The following SORBS2 variants were observed in gnomAD, a reference collection of about 807,000 sequenced individuals.
SORBS2 encodes sorbin and SH3 domain-containing protein 2.
In SORBS2, 46 loss-of-function variants were observed where a neutral mutation model predicts 97.7. The observed-to-expected ratio is 0.47, with a 90% CI of 0.37 to 0.60. The LOEUF (loss-of-function observed/expected upper bound fraction) is 0.60, where lower values mean the gene tolerates loss of function less well. SORBS2 is among the 20% of genes least tolerant of loss of function. SORBS2 has a pLI of 0.00. For synonymous variants in SORBS2, 476 were observed against 473.4 expected, an observed-to-expected ratio of 1.01 and a Z score of -0.07; for missense variants, 1,316 against 1,282.3, an observed-to-expected ratio of 1.03 and a Z score of -0.40.
chr4:185,934,800 A>G (rs1347581959), intron 1 of SORBS2, among the ~76,000 whole-genome samples: 1 of 150,082 alleles, frequency 6.7e-6, no homozygotes, highest in Admixed American at 6.6e-5. Context: ...AAAAAAAATG[A>G]GAGAGAAATC....
chr4:185,695,517 A>G (rs77886260), intron 2 of SORBS2, among the ~76,000 whole-genome samples: 2 of 131,094 alleles, frequency 1.5e-5, no homozygotes, highest in East Asian at 4.5e-4. Flanking sequence ...TTTTTTTTTT[A>G]AAGAGATGTA....
chr4:185,873,063 G>C (rs2099231298), intron 1 of SORBS2, among the ~76,000 whole-genome samples: 2 of 152,160 alleles, frequency 1.3e-5, no homozygotes, highest in African/African-American at 4.8e-5. Context: ...TTGGGTAAAA[G>C]AATAAAATGA....
chr4:185,828,506 C>G lies in SORBS2; in HGVS notation c.-337-53140G>C, dbSNP rs1459892898. Among the ~76,000 whole-genome samples, 3 of 152,162 alleles carry G rather than the reference C, an allele frequency of 2.0e-5. No homozygotes were observed. The East Asian group carries it at 5.8e-4, about 29-fold the overall frequency. On this transcript the variant is annotated intron_variant, in intron 1 of 20. Transcript: ENST00000284776. ...ATTATCATGGGCTTGAAATGGCCTT[C>G]AAGAAATCCTTGAAGGCTCCTGGTC...
At chr4:185,724,281 C>T (rs991766924) in intron 2 of SORBS2, among the ~76,000 whole-genome samples, 1 of 150,106 alleles carries the variant, frequency 6.7e-6, no homozygotes, top group Non-Finnish European at 1.5e-5. Context: ...GCTGGGACAA[C>T]TTTTGCATGT....
At position 185,649,580 on chromosome 4, in the gene SORBS2, G is replaced by A. The variant is rs145970526; in HGVS notation, c.168C>T (p.Ser56=). ...AGGCATTGGGGCTGTTGTCGGAGTGGCTTTTGGAAAGAGGTCTGTAGGTTT... is the reference window on the plus strand; with the variant it reads ...AGGCATTGGGGCTGTTGTCGGAGTGACTTTTGGAAAGAGGTCTGTAGGTTT... Residue 56 remains serine, a synonymous_variant, in exon 3 of 15, where the codon AGC becomes AGT. Coordinates refer to ENST00000418609, the Ensembl canonical transcript of SORBS2. 1.6e-5 allele frequency: 26 copies of A among 1,604,608 alleles called. No individual in the cohort carries two copies. In the Admixed American group the frequency reaches 1.9e-4, roughly 12 times the overall value.
intron 2 of SORBS2, among the ~76,000 whole-genome samples, chr4:185,769,452 C>T (rs2098956542): frequency 6.6e-6 from 1 of 152,142 alleles, no homozygotes; most frequent in Non-Finnish European, 1.5e-5. Context: ...CAATCATTTT[C>T]CTGCTCTTAC....
intron 2 of SORBS2, among the ~76,000 whole-genome samples, chr4:185,721,175 A>G (rs1372631247): frequency 7.0e-6 from 1 of 142,502 alleles, no homozygotes; most frequent in African/African-American, 2.6e-5. Context: ...CTCGGGTTCA[A>G]GTGATTCTCC....
At chr4:185,812,700 A>G (rs1010129947) in intron 1 of SORBS2, among the ~76,000 whole-genome samples, 2 of 152,220 alleles carry the variant, frequency 1.3e-5, no homozygotes, top group Non-Finnish European at 2.9e-5. Context: ...GTGAATTGCT[A>G]TATAGGGTCA....
At chr4:185,693,745 G>T (rs897285362) in intron 2 of SORBS2, among the ~76,000 whole-genome samples, 1 of 152,164 alleles carries the variant, frequency 6.6e-6, no homozygotes, top group Non-Finnish European at 1.5e-5. Context: ...TACAAAATCT[G>T]CTGACAGACA....
chr4:185,808,330 T>C (rs997311278), intron 1 of SORBS2, among the ~76,000 whole-genome samples: 1 of 152,156 alleles, frequency 6.6e-6, no homozygotes, highest in Non-Finnish European at 1.5e-5. Context: ...CTACTTTATA[T>C]ACAAAAATTC....
chr4:185,874,148 C>T (rs2099231989), intron 1 of SORBS2, among the ~76,000 whole-genome samples: 1 of 152,080 alleles, frequency 6.6e-6, no homozygotes, highest in African/African-American at 2.4e-5. Context: ...ATTATCTGAA[C>T]AAATAAGAGA....
Position 185,622,910 on chromosome 4 carries a change from C to T in SORBS2, c.2215+4G>A, listed in dbSNP as rs2096740936. ...CAAGGAAAAAGAAAGAAAAGCTCAT[C>T]CACCTTGGAGTGCACCGCCACGGTC... On this transcript the variant is annotated splice_donor_region_variant and intron_variant, in intron 7 of 14. Transcript: ENST00000418609. 2 of 1,578,312 alleles carry T rather than the reference C, an allele frequency of 1.3e-6. No individual in the cohort carries two copies. Among genetic ancestry groups the T allele is most frequent in the Non-Finnish European group, 1.7e-6 (2 of 1,161,584 alleles).
At chr4:185,926,729 C>T (rs960053883) in intron 1 of SORBS2, among the ~76,000 whole-genome samples, 2 of 152,030 alleles carry the variant, frequency 1.3e-5, no homozygotes, top group Non-Finnish European at 2.9e-5. Context: ...ACTTAGGAAA[C>T]ATGCGAGGTT....
intron 1 of SORBS2, among the ~76,000 whole-genome samples, chr4:185,827,819 C>T (rs1305568992): frequency 1.7e-5 from 2 of 120,448 alleles, no homozygotes; most frequent in Non-Finnish European, 3.5e-5. Flanking sequence ...ACCATCATCA[C>T]CGTCACCATC....
At chr4:185,814,646 C>T (rs1363179613) in intron 1 of SORBS2, among the ~76,000 whole-genome samples, 1 of 152,238 alleles carries the variant, frequency 6.6e-6, no homozygotes, top group Admixed American at 6.5e-5. Flanking sequence ...CTCCTCCTCC[C>T]CTATACCTCC....
At chr4:185,885,785 G>A (rs767283122) in intron 1 of SORBS2, among the ~76,000 whole-genome samples, 5 of 152,120 alleles carry the variant, frequency 3.3e-5, no homozygotes, top group Non-Finnish European at 1.5e-5. Context: ...AAGCCAAATC[G>A]TGCTTCACAC....
chr4:185,944,703 C>T (rs1409559046), intron 1 of SORBS2, among the ~76,000 whole-genome samples: 2 of 152,088 alleles, frequency 1.3e-5, no homozygotes, highest in Non-Finnish European at 2.9e-5. Flanking sequence ...ATGAGACAAG[C>T]GCCTCAAGTG....
chr4:185,712,963 G>A (rs2098436654), intron 2 of SORBS2, among the ~76,000 whole-genome samples: 1 of 152,126 alleles, frequency 6.6e-6, no homozygotes, highest in Non-Finnish European at 1.5e-5. Context: ...GTAACCTTAT[G>A]GTTTTTCTCC....
intron 2 of SORBS2, among the ~76,000 whole-genome samples, chr4:185,710,173 C>T: frequency 8.5e-6 from 1 of 118,338 alleles, no homozygotes; most frequent in African/African-American, 3.1e-5. Context: ...AATCCAACAC[C>T]TATAACTCTT....
Sources: allele counts gnomAD v4.1 joint callset (sites outside exome capture counted in the v4.1 genomes callset), GRCh38; gene constraint gnomAD v4.1.1; transcripts MANE v1.5; gene names NCBI Gene and HGNC (gene_info 2026-07-23, HGNC 2026-07-21).